Variants in KAT6B observed in about 807,000 individuals in gnomAD.
KAT6B encodes the protein histone acetyltransferase KAT6B.
In KAT6B, 10 loss-of-function variants were observed where a neutral mutation model predicts 187.5. The ratio of observed to expected loss-of-function variants is 0.05; its 90% CI spans 0.03 to 0.09. The LOEUF (loss-of-function observed/expected upper bound fraction) is 0.09. Ranked by LOEUF, KAT6B falls within the 10% of genes least tolerant of loss-of-function variation. The pLI is 1.00. For synonymous variants in KAT6B, 861 were observed against 926.8 expected, an observed-to-expected ratio of 0.93 and a Z score of 1.29; for missense variants, 1,952 against 2,558.9, an observed-to-expected ratio of 0.76 and a Z score of 5.12.
chr10:74,944,491 A>G (rs896671614), intron 3 of KAT6B, among the ~76,000 whole-genome samples: 4 of 152,232 alleles, frequency 2.6e-5, no homozygotes, highest in African/African-American at 9.6e-5. Flanking sequence ...CATTAAGCAC[A>G]TGAACAACGT....
At chr10:74,973,881 A>T (rs993551695) in intron 7 of KAT6B, among the ~76,000 whole-genome samples, 3 of 152,174 alleles carry the variant, frequency 2.0e-5, no homozygotes, top group African/African-American at 4.8e-5. Context: ...GGGCCCAATT[A>T]AAAAAACCAA....
chr10:74,829,104 G>A (rs1840532704), intron 1 of KAT6B, among the ~76,000 whole-genome samples: 1 of 152,056 alleles, frequency 6.6e-6, no homozygotes, highest in Non-Finnish European at 1.5e-5. Context: ...TGACACGGTC[G>A]GCAGAGGAAG....
Position 74,975,877 on chromosome 10 carries a change from ACTT to A in KAT6B, c.1546_1548del (p.Ser516del), listed in dbSNP as rs752989133. 8.1e-6 allele frequency: 13 copies of A among 1,613,912 alleles called. No homozygotes were observed. Among genetic ancestry groups the A allele is most frequent in the African/African-American group, 4.0e-5 (3 of 74,842 alleles). ...CAGTTCACAAAAGTCCAGCACGGCC[ACTT>A]CTTCTCCCTCTCCCCAGAGTTCTTC... On this transcript the variant is annotated inframe_deletion, in exon 8 of 18. Coordinates refer to ENST00000287239, the MANE Select transcript of KAT6B (RefSeq NM_012330.4).
chr10:74,917,252 G>A (rs1472888101), intron 3 of KAT6B, among the ~76,000 whole-genome samples: 1 of 152,130 alleles, frequency 6.6e-6, no homozygotes, highest in East Asian at 1.9e-4. Flanking sequence ...ATAACCTTAT[G>A]CAGTTTCCCT....
intron 13 of KAT6B, among the ~76,000 whole-genome samples, chr10:75,000,349 A>G (rs1043158520): frequency 6.6e-6 from 1 of 152,124 alleles, no homozygotes; most frequent in African/African-American, 2.4e-5. Context: ...ATCGAGGGGA[A>G]AACAAAAAGC....
intron 17 of KAT6B, 83 bp downstream of exon 17, chr10:75,025,332 GC>G (rs1845741005): frequency 7.1e-7 from 1 of 1,415,774 alleles, no homozygotes; most frequent in Non-Finnish European, 9.9e-7. Flanking sequence ...CTGGCGTGAT[GC>G]CCAGAGGCAC....
chr10:75,004,121 T>G (rs1204904746), intron 13 of KAT6B, among the ~76,000 whole-genome samples: 2 of 152,120 alleles, frequency 1.3e-5, no homozygotes, highest in Admixed American at 6.5e-5. Context: ...GCATTTGCAT[T>G]GAGTTATTTT....
intron 3 of KAT6B, among the ~76,000 whole-genome samples, chr10:74,877,001 C>T (rs1247954060): frequency 6.6e-6 from 1 of 151,958 alleles, no homozygotes; most frequent in Non-Finnish European, 1.5e-5. Flanking sequence ...AAGTCTCGCT[C>T]TGTTGCTCAG....
At chr10:74,858,078 G>T (rs935549796) in intron 3 of KAT6B, among the ~76,000 whole-genome samples, 6 of 151,930 alleles carry the variant, frequency 3.9e-5, no homozygotes, top group Non-Finnish European at 7.4e-5. Context: ...ACAGTTTATG[G>T]GAGTAATGCT....
At chr10:74,825,067 C>A (rs1474127600), upstream of KAT6B, among the ~76,000 whole-genome samples, 5 of 152,228 alleles carry the variant, frequency 3.3e-5, no homozygotes, top group East Asian at 7.7e-4. The surrounding 1 kb of genome is among the most constrained non-coding windows in gnomAD (Gnocchi z 5.0). Context: ...TGTCCGCAGT[C>A]GCTGAATGTC....
At chr10:74,887,504 T>G (rs1232341347) in intron 3 of KAT6B, among the ~76,000 whole-genome samples, 1 of 152,046 alleles carries the variant, frequency 6.6e-6, no homozygotes, top group East Asian at 1.9e-4. Context: ...TTTGTATTTT[T>G]AGTAGAGATG....
intron 3 of KAT6B, among the ~76,000 whole-genome samples, chr10:74,918,950 G>A (rs1320605590): frequency 6.6e-6 from 1 of 152,076 alleles, no homozygotes; most frequent in Non-Finnish European, 1.5e-5. Flanking sequence ...GTGCATGGTG[G>A]CTCACGCTTG....
chr10:75,013,840 A>G (rs143640097), intron 13 of KAT6B, among the ~76,000 whole-genome samples: 3 of 152,306 alleles, frequency 2.0e-5, no homozygotes, highest in Non-Finnish European at 2.9e-5. Context: ...CAGCTGGTAC[A>G]TGGTGGACCC....
chr10:75,012,908 T>C (rs1249998248), intron 13 of KAT6B, among the ~76,000 whole-genome samples: 1 of 152,146 alleles, frequency 6.6e-6, no homozygotes, highest in African/African-American at 2.4e-5. Context: ...TGGAATGGAC[T>C]TGAAAGGATG....
intron 3 of KAT6B, among the ~76,000 whole-genome samples, chr10:74,902,925 T>G (rs1436809420): frequency 6.6e-6 from 1 of 152,218 alleles, no homozygotes; most frequent in Admixed American, 6.5e-5. Context: ...ATGTTCAGTA[T>G]TTGGTCTATA....
chr10:74,877,647 T>C (rs186409380), intron 3 of KAT6B, among the ~76,000 whole-genome samples: 1 of 152,304 alleles, frequency 6.6e-6, no homozygotes, highest in African/African-American at 2.4e-5. Flanking sequence ...AGATGAAATA[T>C]CAGATAAACC....
At chr10:74,958,798 G>A (rs1840871848) in intron 3 of KAT6B, among the ~76,000 whole-genome samples, 1 of 152,094 alleles carries the variant, frequency 6.6e-6, no homozygotes, top group Admixed American at 6.5e-5. Flanking sequence ...CCAGCACTTT[G>A]GGAGGCTGAG....
intron 3 of KAT6B, among the ~76,000 whole-genome samples, chr10:74,903,490 C>T (rs1730129832): frequency 6.6e-6 from 1 of 152,206 alleles, no homozygotes; most frequent in South Asian, 2.1e-4. Context: ...TGGGTAGCTT[C>T]TAGAAACTGA....
intron 3 of KAT6B, among the ~76,000 whole-genome samples, chr10:74,856,399 T>G (rs752763745): frequency 6.6e-6 from 1 of 152,106 alleles, no homozygotes; most frequent in Non-Finnish European, 1.5e-5. Flanking sequence ...CTTTTGACTT[T>G]TCATCCAGGA....
Sources: gnomAD v4.1 joint callset for allele counts (sites outside exome capture counted in the v4.1 genomes callset) on GRCh38, gnomAD v4.1.1 for gene constraint, Gnocchi (gnomAD v3.1) non-coding constraint, MANE v1.5 for transcripts, NCBI Gene and HGNC (gene_info 2026-07-23, HGNC 2026-07-21) for gene names.